The following TCEAL4 variants were observed in gnomAD, a reference collection of about 807,000 sequenced individuals.
TCEAL4 encodes the protein transcription elongation factor A protein-like 4.
In TCEAL4, 1 loss-of-function variant was observed where a neutral mutation model predicts 1.3. The ratio of observed to expected loss-of-function variants is 0.79; its 90% CI spans 0.28 to 3.76. The LOEUF is 3.76. Among genes scored for constraint, TCEAL4 ranks in the 30% most tolerant of loss-of-function variants. The pLI is 0.18. For synonymous variants in TCEAL4, 54 were observed against 50.7 expected, an observed-to-expected ratio of 1.06 and a Z score of -0.28; for missense variants, 129 against 154.7, an observed-to-expected ratio of 0.83 and a Z score of 0.88.
chrX:103,578,941 T>A (rs1243433653), intron 2 of TCEAL4, among the ~76,000 whole-genome samples: 1 of 112,303 alleles, frequency 8.9e-6, no homozygotes, highest in Non-Finnish European at 1.9e-5. Flanking sequence ...TACACCTAAG[T>A]TTTCTTCTAA....
chrX:103,586,549 G>T, intron 2 of TCEAL4, 100 bp from the exon 3 acceptor site: 2 of 1,038,780 alleles, frequency 1.9e-6, no homozygotes, highest in Middle Eastern at 3.2e-4. Context: ...CCCTCATCAG[G>T]GGTGAGATGC....
At chrX:103,579,769 T>C (rs2073499495) in intron 2 of TCEAL4, among the ~76,000 whole-genome samples, 1 of 111,963 alleles carries the variant, frequency 8.9e-6, no homozygotes, top group South Asian at 3.7e-4. Flanking sequence ...TTCATGTCTC[T>C]TGCCCACCCT....
chrX:103,581,686 T>C (rs746198567), upstream of TCEAL4, among the ~76,000 whole-genome samples: 1 of 111,896 alleles, frequency 8.9e-6, no homozygotes, highest in East Asian at 2.8e-4. Flanking sequence ...TTGATAAAAT[T>C]CAGTATCCCT....
At chrX:103,583,064 T>G (rs779600612), upstream of TCEAL4, among the ~76,000 whole-genome samples, 3 of 111,788 alleles carry the variant, frequency 2.7e-5, no homozygotes, top group Admixed American at 2.8e-4. Context: ...GGCAAAGACA[T>G]GAACACACAC....
chrX:103,586,245 T>C lies in TCEAL4; in HGVS notation c.-74T>C, dbSNP rs2073545308. 8.6e-7 allele frequency: 1 copy of C among 1,166,478 alleles called. No individual in the cohort carries two copies. The stretch of plus-strand genomic sequence containing the variant: ...TCTGCGCGTCTGTTGTTCCCAGCGC[T>C]CTGCGAAGCCTGAAAAGGAGGAGCA... On this transcript the variant is annotated 5_prime_UTR_variant, in exon 2 of 3. Transcript: ENST00000472484.
chrX:103,586,962 T>G lies in TCEAL4; in HGVS notation c.287T>G (p.Ile96Arg), dbSNP rs201144396. ...GGSEREGKPE[I>R]EGKPESEGEP... ...TCAGAGAGAGAGGGAAAACCAGAGA[T>G]AGAGGGAAAGCCAGAGAGTGAAGGA... The change falls in exon 3 of 3, where the codon ATA becomes AGA. Residue 96 changes from isoleucine to arginine, a missense_variant. Ile to Arg is a moderately conservative substitution (Grantham distance 97, BLOSUM62 -3). Transcript: ENST00000472484. 1 of 1,206,786 alleles carries G rather than the reference T, an allele frequency of 8.3e-7. No homozygotes were observed. Among genetic ancestry groups the G allele is most frequent in the Non-Finnish European group, 1.1e-6 (1 of 893,896 alleles).
At chrX:103,585,420 T>C, upstream of TCEAL4, 1 of 1,027,127 alleles carries the variant, frequency 9.7e-7, no homozygotes, top group Non-Finnish European at 1.3e-6. Flanking sequence ...GGTAAGAGGG[T>C]ACCTGCTGGA....
rs889962266 is a variant in TCEAL4, at chrX:103,577,017, T to C, written c.64-77T>C. 7 of 1,091,037 alleles carry C rather than the reference T, an allele frequency of 6.4e-6. No individual in the cohort carries two copies. The African/African-American group carries it at 1.1e-4, about 17-fold the overall frequency. The allele number at this position is 1,091,037 out of a possible 1,213,427, so 89.9% of individuals were successfully genotyped here. On this transcript the variant is annotated intron_variant, in intron 1 of 4. Transcript: ENST00000372629. ...ATTCCAAAAATGCCAGGCAGATCTT[T>C]GTGGGGTGTTTTGACCTAACCTCAA...
rs1204374631 is a variant in TCEAL4 at position 103,586,948 on chromosome X, G to A, written c.273G>A (p.Glu91=). Residue 91 remains glutamate (E), a synonymous_variant, in exon 3 of 3, where the codon GAG becomes GAA. Transcript: ENST00000472484. The stretch of plus-strand genomic sequence containing the variant: ...AGATGGAGGGAGGATCAGAGAGAGA[G>A]GGAAAACCAGAGATAGAGGGAAAGC... ...ESEMEGGSER[E]GKPEIEGKPE... 1 of 1,208,988 alleles carries A rather than the reference G, an allele frequency of 8.3e-7. No individual in the cohort carries two copies. The highest frequency in any genetic ancestry group is 3.0e-5 in the East Asian group (1 of 33,415).
At position 103,587,493 on chromosome X, in the gene TCEAL4, T is replaced by A; in HGVS notation, c.*170T>A. On this transcript the variant is annotated 3_prime_UTR_variant, in exon 3 of 3. Coordinates refer to ENST00000472484, the MANE Select transcript of TCEAL4 (RefSeq NM_001006935.3). Reference sequence around the variant, plus strand: ...AAATGTTGATGGTGCATTGTAAAATTAAAAAACACAACTTGCAGAACCAAA... The same window carrying A: ...AAATGTTGATGGTGCATTGTAAAATAAAAAAACACAACTTGCAGAACCAAA... 3.5e-6 allele frequency: 2 copies of A among 567,557 alleles called. No homozygotes were observed. Among genetic ancestry groups the A allele is most frequent in the Non-Finnish European group, 5.1e-6 (2 of 391,490 alleles). 46.8% of individuals were successfully genotyped at this position (567,557 alleles called of 1,213,427 possible). A position where few individuals can be genotyped will look rare whatever the true frequency, so the allele number is the denominator to read the frequency against.
At chrX:103,586,608 TCTC>T in intron 2 of TCEAL4, 38 bp from the exon 3 acceptor site, 1 of 1,173,846 alleles carries the variant, frequency 8.5e-7, no homozygotes, top group Non-Finnish European at 1.1e-6. Flanking sequence ...GTCTCCCATG[TCTC>T]CTCTTTGTCT....
upstream of TCEAL4, among the ~76,000 whole-genome samples, chrX:103,582,532 C>T (rs1200913657): frequency 8.9e-6 from 1 of 112,050 alleles, no homozygotes; most frequent in Non-Finnish European, 1.9e-5. Context: ...GTAAACAAAA[C>T]AGCATGGTAC....
rs183037507 is a variant in TCEAL4, at chrX:103,585,868, C to T, written c.-101+244C>T. The T allele has an allele frequency of 4.3e-4, 450 of 1,042,730 alleles. 4 individuals are homozygous for T. In the African/African-American group the frequency reaches 6.9e-3, roughly 16 times the overall value. The allele number at this position is 1,042,730 out of a possible 1,213,427, so 85.9% of individuals were successfully genotyped here. On this transcript the variant is annotated intron_variant, in intron 1 of 2. Coordinates refer to ENST00000472484, the MANE Select transcript of TCEAL4 (RefSeq NM_001006935.3). ...CATGCTCGCTTTCCAGGCACATCCT[C>T]TTCTCTGCCCTCCGTCCATTTTGGA...
upstream of TCEAL4, among the ~76,000 whole-genome samples, chrX:103,580,709 G>A (rs904985489): frequency 3.6e-5 from 4 of 111,271 alleles, no homozygotes; most frequent in African/African-American, 1.3e-4. Context: ...CACCCACCTT[G>A]GCTTCTCAAA....
intron 1 of TCEAL4, 174 bp downstream of exon 1, chrX:103,585,798 T>C (rs1423470867): frequency 5.4e-6 from 6 of 1,106,109 alleles, no homozygotes; most frequent in Non-Finnish European, 7.2e-6. Flanking sequence ...GGGGAGCACG[T>C]AGGCAGTGGG....
chrX:103,581,486 A>T (rs1201133754), upstream of TCEAL4, among the ~76,000 whole-genome samples: 1 of 111,709 alleles, frequency 9.0e-6, no homozygotes, highest in African/African-American at 3.3e-5. Flanking sequence ...TGATGCAAAA[A>T]TCCTCTATAA....
chrX:103,576,679 G>A (rs745565845), intron 1 of TCEAL4: 34 of 435,330 alleles, frequency 7.8e-5, no homozygotes, highest in Non-Finnish European at 1.3e-4. Context: ...CAGGAGAATC[G>A]TTTGAACCCA....
Position 103,586,733 on chromosome X carries a change from A to C in TCEAL4, c.58A>C (p.Asn20His). The C allele has an allele frequency of 3.3e-6, 4 of 1,212,171 alleles. No individual in the cohort carries two copies. The highest frequency in any genetic ancestry group is 4.5e-6 in the Non-Finnish European group (4 of 895,595). ...GGCTTCAAACCAAGGAAAGATGGAA[A>C]ATGAAGAACAGCCACAAGACGAGAG... ...GMASNQGKME[N>H]EEQPQDERKP... The change falls in exon 3 of 3, where the codon AAT becomes CAT. Residue 20 changes from asparagine to histidine, a missense_variant. By Grantham distance (68) the Asn-to-His change is moderately conservative. This residue lies in a region of TCEAL4 where 116 missense variants were observed against 120.3 expected (regional missense o/e 0.96). Transcript: ENST00000472484.
At chrX:103,576,363 G>C (rs954267357) in exon 1 of TCEAL4, 4 of 978,413 alleles carry the variant, frequency 4.1e-6, no homozygotes, top group Non-Finnish European at 5.7e-6. Context: ...GGTTATTAAG[G>C]TTAGTATTGC....
Sources: allele counts gnomAD v4.1 joint callset (sites outside exome capture counted in the v4.1 genomes callset), GRCh38; gene constraint gnomAD v4.1.1; regional missense constraint gnomAD v4.1.1; transcripts MANE v1.5; gene names NCBI Gene and HGNC (gene_info 2026-07-23, HGNC 2026-07-21).